The following COL25A1 variants were observed in gnomAD, a reference collection of about 807,000 sequenced individuals.
COL25A1 encodes the protein collagen type XXV alpha 1 chain.
A neutral mutation model predicts 128.4 loss-of-function variants in COL25A1; 103 were observed. The ratio of observed to expected loss-of-function variants is 0.80; its 90% CI spans 0.68 to 0.94. The LOEUF is 0.94. Ranked by LOEUF, COL25A1 falls within the 40% of genes least tolerant of loss-of-function variation. The probability of loss-of-function intolerance (pLI) is 0.00; values close to 1 mark genes in which losing one functional copy is unlikely to be tolerated. For synonymous variants in COL25A1, 279 were observed against 277.2 expected, an observed-to-expected ratio of 1.01 and a Z score of -0.06; for missense variants, 745 against 840.0, an observed-to-expected ratio of 0.89 and a Z score of 1.40.
intron 9 of COL25A1, among the ~76,000 whole-genome samples, chr4:108,940,945 T>C (rs1478031236): frequency 6.6e-6 from 1 of 152,224 alleles, no homozygotes; most frequent in Non-Finnish European, 1.5e-5. Flanking sequence ...AACGTGTGCA[T>C]TACTTTATCC....
chr4:108,886,605 T>G (rs1396700666), intron 18 of COL25A1, among the ~76,000 whole-genome samples: 2 of 152,044 alleles, frequency 1.3e-5, no homozygotes, highest in Admixed American at 6.6e-5. Context: ...TTCAGTTAAC[T>G]TCTCCATTCT....
chr4:108,813,804 C>T lies in COL25A1; in HGVS notation c.*123G>A. ...AAATGGACATGTATACTACTGCCAGCAGGAAGAAGCAGCCCTATGTAAACA... is the reference window on the plus strand; with the variant it reads ...AAATGGACATGTATACTACTGCCAGTAGGAAGAAGCAGCCCTATGTAAACA... On this transcript the variant is annotated 3_prime_UTR_variant, in exon 38 of 38. Transcript: ENST00000399132. 3 of 750,318 alleles carry T rather than the reference C, an allele frequency of 4.0e-6. No homozygotes were observed. The highest frequency in any genetic ancestry group is 6.8e-6 in the Non-Finnish European group (3 of 441,744). 46.5% of individuals were successfully genotyped at this position (750,318 alleles called of 1,614,324 possible).
chr4:109,195,244 C>A lies in COL25A1; in HGVS notation c.367+105339G>T, dbSNP rs532861674. On this transcript the variant is annotated intron_variant, in intron 3 of 37. Coordinates refer to ENST00000399132, the MANE Select transcript of COL25A1 (RefSeq NM_198721.4). ...AGGATGAAGAGAAGCACATTGAGCA[C>A]AGTAGCCCTAGCCAGTTGCCGTAGA... 2.3e-3 allele frequency among the ~76,000 whole-genome samples: 344 copies of A among 152,302 alleles called. 1 individual carries two copies. Among genetic ancestry groups the A allele is most frequent in the African/African-American group, 7.6e-3 (317 of 41,578 alleles).
rs569184140 is a variant in COL25A1 at position 109,032,162 on chromosome 4, G to A, written c.420+16006C>T. 5.3e-5 allele frequency among the ~76,000 whole-genome samples: 8 copies of A among 152,176 alleles called. No individual in the cohort carries two copies. The South Asian group carries it at 1.5e-3, about 28-fold the overall frequency. ...GAGACCAGGAAATGTTGAGTGACTT[G>A]TCTAAGATCACACCACTAGTAAATG... On this transcript the variant is annotated intron_variant, in intron 5 of 37. Transcript: ENST00000399132.
intron 5 of COL25A1, among the ~76,000 whole-genome samples, chr4:109,032,809 G>C (rs1444580675): frequency 6.6e-6 from 1 of 152,180 alleles, no homozygotes; most frequent in Middle Eastern, 3.2e-3. Context: ...AATAACTGCT[G>C]AGGGATGAAA....
In COL25A1 at chr4:109,130,874, A is replaced by G. The variant is rs143227040; in HGVS notation, c.368-80695T>C. 5.1e-3 allele frequency among the ~76,000 whole-genome samples: 782 copies of G among 152,334 alleles called. 9 individuals are homozygous for G. The highest frequency in any genetic ancestry group is 0.018 in the African/African-American group (740 of 41,574). ...TACATATTTATTTATATTGCATATT[A>G]CTAAACCATTTGTTTATAATTCATA... On this transcript the variant is annotated intron_variant, in intron 3 of 37. Transcript: ENST00000399132.
chr4:108,938,693 A>G (rs1279542409), intron 10 of COL25A1, among the ~76,000 whole-genome samples: 1 of 152,158 alleles, frequency 6.6e-6, no homozygotes, highest in African/African-American at 2.4e-5. Flanking sequence ...TGTCTCTACT[A>G]AAAATACAAA....
intron 19 of COL25A1, among the ~76,000 whole-genome samples, chr4:108,871,970 C>G (rs2125814867): frequency 6.6e-6 from 1 of 152,292 alleles, no homozygotes; most frequent in East Asian, 1.9e-4. Context: ...CTTCCCTAAG[C>G]TTATACCAGA....
chr4:108,862,888 T>C (rs1167733902), intron 21 of COL25A1, among the ~76,000 whole-genome samples: 1 of 152,172 alleles, frequency 6.6e-6, no homozygotes. Context: ...GATGGGCTAT[T>C]AAAATAAAGT....
intron 3 of COL25A1, among the ~76,000 whole-genome samples, chr4:109,057,674 T>C (rs778803394): frequency 6.6e-6 from 1 of 152,124 alleles, no homozygotes; most frequent in African/African-American, 2.4e-5. Flanking sequence ...GTAAATCTAA[T>C]TCTCAACATT....
chr4:109,286,391 A>C (rs1723896485), intron 3 of COL25A1, among the ~76,000 whole-genome samples: 2 of 152,248 alleles, frequency 1.3e-5, no homozygotes, highest in South Asian at 4.1e-4. Flanking sequence ...AAACAATAGA[A>C]ATAGAAATAA....
chr4:109,217,535 T>TGCAATGCAATGTATAATGTATAA (rs769525881), intron 3 of COL25A1, among the ~76,000 whole-genome samples: 13,132 of 152,136 alleles, frequency 0.086, 1,175 homozygotes, highest in African/African-American at 0.23. Flanking sequence ...ACACTGAAGC[T>TGCAATGCAATGTATAATGTATAA]TTGAAATGTA....
At chr4:109,147,164 G>C (rs1367677544) in intron 3 of COL25A1, among the ~76,000 whole-genome samples, 1 of 152,202 alleles carries the variant, frequency 6.6e-6, no homozygotes, top group Non-Finnish European at 1.5e-5. Flanking sequence ...TTCTCAGCTT[G>C]TTATTCAATT....
At chr4:108,991,036 A>C (rs912478439) in intron 6 of COL25A1, among the ~76,000 whole-genome samples, 1 of 152,202 alleles carries the variant, frequency 6.6e-6, no homozygotes. Flanking sequence ...TGAATGATTA[A>C]ATATGTACAT....
intron 19 of COL25A1, among the ~76,000 whole-genome samples, chr4:108,882,135 A>C (rs907067172): frequency 4.6e-5 from 7 of 152,192 alleles, no homozygotes; most frequent in African/African-American, 1.7e-4. Context: ...TCCCAACTTC[A>C]AAAAGCTCAA....
At chr4:108,960,969 T>C (rs1750614898) in intron 8 of COL25A1, among the ~76,000 whole-genome samples, 1 of 152,152 alleles carries the variant, frequency 6.6e-6, no homozygotes, top group Non-Finnish European at 1.5e-5. Flanking sequence ...ATTTACATTC[T>C]CTTTAATCCT....
intron 8 of COL25A1, among the ~76,000 whole-genome samples, chr4:108,957,964 T>C (rs1423922699): frequency 1.3e-5 from 2 of 152,052 alleles, no homozygotes; most frequent in Admixed American, 6.6e-5. Context: ...TTTAAAACAC[T>C]ATAAGAAAAA....
intron 5 of COL25A1, among the ~76,000 whole-genome samples, chr4:109,016,867 A>C (rs1757261129): frequency 6.6e-6 from 1 of 152,210 alleles, no homozygotes; most frequent in South Asian, 2.1e-4. Context: ...TTGTCCATGT[A>C]CCTCATTCTT....
At chr4:109,153,348 T>G (rs545422481) in intron 3 of COL25A1, among the ~76,000 whole-genome samples, 3 of 139,386 alleles carry the variant, frequency 2.2e-5, no homozygotes, top group Non-Finnish European at 4.5e-5. Flanking sequence ...ACCATTGCAC[T>G]CCAGCCTGGG....
Sources: allele counts gnomAD v4.1 joint callset (sites outside exome capture counted in the v4.1 genomes callset), GRCh38; gene constraint gnomAD v4.1.1; transcripts MANE v1.5; gene names NCBI Gene and HGNC (gene_info 2026-07-23, HGNC 2026-07-21).